The following PLPPR5 variants were observed in gnomAD, a reference collection of about 807,000 sequenced individuals.
PLPPR5 encodes the protein phospholipid phosphatase related 5.
A neutral mutation model predicts 33.9 loss-of-function variants in PLPPR5; 16 were observed. The observed-to-expected ratio is 0.47, with a 90% CI of 0.32 to 0.72. The LOEUF (loss-of-function observed/expected upper bound fraction) is 0.72. PLPPR5 is among the 30% of genes least tolerant of loss of function. The pLI is 0.03. For missense variants in PLPPR5, 301 were observed against 406.7 expected (o/e 0.74, Z 2.23); for synonymous variants, 163 against 150.3 (o/e 1.08, Z -0.62).
intron 1 of PLPPR5, among the ~76,000 whole-genome samples, chr1:98,981,596 G>A (rs890779169): frequency 1.3e-5 from 2 of 151,946 alleles, no homozygotes; most frequent in Non-Finnish European, 2.9e-5. Flanking sequence ...CTAATACAGG[G>A]ATCCTTTCTT....
At chr1:98,967,269 G>A (rs1311241761) in intron 1 of PLPPR5, among the ~76,000 whole-genome samples, 1 of 152,102 alleles carries the variant, frequency 6.6e-6, no homozygotes, top group Admixed American at 6.6e-5. Flanking sequence ...GAACTGTCCT[G>A]AGAAGGATGG....
At chr1:98,944,459 G>A (rs955746999) in intron 3 of PLPPR5, among the ~76,000 whole-genome samples, 7 of 152,222 alleles carry the variant, frequency 4.6e-5, no homozygotes, top group African/African-American at 1.7e-4. Flanking sequence ...TGAGGTCAGA[G>A]CCCATAGAGC....
At chr1:98,912,372 A>G (rs557808661) in intron 5 of PLPPR5, among the ~76,000 whole-genome samples, 1 of 152,330 alleles carries the variant, frequency 6.6e-6, no homozygotes, top group Non-Finnish European at 1.5e-5. Flanking sequence ...CTTCTTTCTC[A>G]GAACCATCTA....
intron 1 of PLPPR5, among the ~76,000 whole-genome samples, chr1:98,992,014 T>C (rs12042547): frequency 0.097 from 14,701 of 152,200 alleles, 883 homozygotes; most frequent in East Asian, 0.25. Flanking sequence ...ACAGGTACCC[T>C]TTTATCTTAT....
chr1:98,971,202 G>A (rs918048711), intron 1 of PLPPR5, among the ~76,000 whole-genome samples: 11 of 152,060 alleles, frequency 7.2e-5, no homozygotes, highest in African/African-American at 2.7e-4. Flanking sequence ...GCAGTTTGGT[G>A]AGAGGTGAAG....
chr1:98,997,244 A>G (rs564300059), intron 1 of PLPPR5, among the ~76,000 whole-genome samples: 22 of 152,156 alleles, frequency 1.4e-4, no homozygotes, highest in Non-Finnish European at 2.8e-4. Flanking sequence ...TTTACAGATT[A>G]AAAAAACTGA....
chr1:98,976,702 T>G, intron 1 of PLPPR5, among the ~76,000 whole-genome samples: 1 of 152,172 alleles, frequency 6.6e-6, no homozygotes, highest in South Asian at 2.1e-4. Context: ...AACGATAACT[T>G]ATTAATAAAA....
chr1:98,901,226 A>G (rs972674499), intron 5 of PLPPR5, among the ~76,000 whole-genome samples: 28 of 152,188 alleles, frequency 1.8e-4, no homozygotes, highest in Non-Finnish European at 1.0e-4. Context: ...GAGTCCACTT[A>G]TATAATATCC....
At chr1:98,928,547 T>TAATATATATATATATATATATATATATA (rs1649845626) in intron 3 of PLPPR5, among the ~76,000 whole-genome samples, 1 of 47,520 alleles carries the variant, frequency 2.1e-5, no homozygotes, top group Admixed American at 2.4e-4. Flanking sequence ...AAGTTTTAAA[T>TAATATATATATATATATATATATATATA]CATATATATA....
chr1:98,916,660 T>C lies in PLPPR5; in HGVS notation c.799-1740A>G, dbSNP rs1448427843. 2.0e-5 allele frequency among the ~76,000 whole-genome samples: 3 copies of C among 152,200 alleles called. No homozygotes were observed. The South Asian group carries it at 6.2e-4, about 32-fold the overall frequency. ...TAGGCAGCAGATCAAATTTGGTCTG[T>C]GGGCTGCAGTTGGCTGACTGACCAC... On this transcript the variant is annotated intron_variant, in intron 4 of 5. Coordinates refer to ENST00000263177, the MANE Select transcript of PLPPR5 (RefSeq NM_001037317.2).
intron 4 of PLPPR5, among the ~76,000 whole-genome samples, chr1:98,916,895 G>C (rs984678629): frequency 3.3e-5 from 5 of 152,130 alleles, no homozygotes; most frequent in Non-Finnish European, 5.9e-5. Flanking sequence ...GAAAAAGTGA[G>C]GGACATGGTT....
chr1:98,959,865 CAG>C (rs910871179), intron 1 of PLPPR5, among the ~76,000 whole-genome samples: 15 of 152,086 alleles, frequency 9.9e-5, no homozygotes, highest in African/African-American at 3.6e-4. Flanking sequence ...AGTTTTCAAA[CAG>C]AGAGTTGCTG....
At chr1:98,973,726 T>C (rs1348858208) in intron 1 of PLPPR5, among the ~76,000 whole-genome samples, 3 of 151,528 alleles carry the variant, frequency 2.0e-5, no homozygotes, top group Non-Finnish European at 2.9e-5. Context: ...GGAGGGGAAG[T>C]ATAGAATGTA....
chr1:98,903,071 C>A (rs59785571), intron 5 of PLPPR5, among the ~76,000 whole-genome samples: 28,666 of 151,894 alleles, frequency 0.19, 2,917 homozygotes, highest in Non-Finnish European at 0.21. Context: ...GTATTTTCAA[C>A]CTAAAATGTT....
At chr1:99,003,093 A>G (rs1652929028) in intron 1 of PLPPR5, among the ~76,000 whole-genome samples, 1 of 134,760 alleles carries the variant, frequency 7.4e-6, no homozygotes. Flanking sequence ...ATATATATAT[A>G]TATGTAAAAC....
chr1:98,931,322 A>C (rs1003289953), intron 3 of PLPPR5, among the ~76,000 whole-genome samples: 3 of 151,918 alleles, frequency 2.0e-5, no homozygotes, highest in Non-Finnish European at 4.4e-5. Context: ...AATGCTTACT[A>C]TGTGTCAAGA....
rs576019399 is a variant in PLPPR5 at position 98,891,116 on chromosome 1, C to T, written c.*1956G>A. The T allele has an allele frequency of 2.6e-5, 4 of 151,998 alleles. No individual in the cohort carries two copies. Among genetic ancestry groups the T allele is most frequent in the Admixed American group, 6.6e-5 (1 of 15,232 alleles). The allele number at this position is 151,998 out of a possible 1,614,324, so 9.4% of individuals were successfully genotyped here. A position where few individuals can be genotyped will look rare whatever the true frequency, so the allele number is the denominator to read the frequency against. On this transcript the variant is annotated 3_prime_UTR_variant, in exon 6 of 6. Transcript: ENST00000263177. ...AGTGAATTCCCTATTACTGTTATTG[C>T]CTAAAAAATCTTTAAAAAGGGTCAA...
At chr1:98,957,277 G>C (rs1004130017) in intron 1 of PLPPR5, among the ~76,000 whole-genome samples, 1 of 151,456 alleles carries the variant, frequency 6.6e-6, no homozygotes, top group Admixed American at 6.6e-5. Flanking sequence ...CATGGCACAT[G>C]TATACATATG....
At chr1:98,928,637 C>T (rs6679317) in intron 3 of PLPPR5, among the ~76,000 whole-genome samples, 102,361 of 142,272 alleles carry the variant, frequency 0.72, 37,257 homozygotes, top group East Asian at 0.79. Flanking sequence ...TTAAAGGGTA[C>T]GCAAAATGAT....
Sources: allele counts gnomAD v4.1 joint callset (sites outside exome capture counted in the v4.1 genomes callset), GRCh38; gene constraint gnomAD v4.1.1; transcripts MANE v1.5; gene names NCBI Gene and HGNC (gene_info 2026-07-23, HGNC 2026-07-21).